SUSD4: variants seen among roughly 807,000 people sequenced by gnomAD.
SUSD4 encodes the protein sushi domain containing 4.
A neutral mutation model predicts 50.5 loss-of-function variants in SUSD4; 41 were observed. That is an observed-to-expected ratio of 0.81 (90% CI 0.63 to 1.05). The LOEUF is 1.05. Among genes scored for constraint, SUSD4 ranks in the 50% least tolerant of loss-of-function variants. SUSD4 has a pLI of 0.00. For missense variants in SUSD4, 580 were observed against 634.7 expected (o/e 0.91, Z 0.93); for synonymous variants, 257 against 257.3 (o/e 1.00, Z 0.01).
At chr1:223,256,179 T>C (rs988970905) in intron 5 of SUSD4, among the ~76,000 whole-genome samples, 8 of 152,168 alleles carry the variant, frequency 5.3e-5, no homozygotes, top group African/African-American at 1.9e-4. Context: ...ATGATAAAAA[T>C]TCAGGTTCCT....
At chr1:223,235,743 T>C (rs1410934446) in intron 5 of SUSD4, among the ~76,000 whole-genome samples, 1 of 152,222 alleles carries the variant, frequency 6.6e-6, no homozygotes, top group Non-Finnish European at 1.5e-5. Flanking sequence ...GGATGTACCA[T>C]AGTTTATTTA....
At chr1:223,281,287 A>G (rs1243085368) in intron 3 of SUSD4, among the ~76,000 whole-genome samples, 3 of 152,246 alleles carry the variant, frequency 2.0e-5, no homozygotes, top group African/African-American at 7.2e-5. Context: ...CAAAAAATCA[A>G]TGAATACAGG....
Position 223,229,162 on chromosome 1 carries a change from T to G in SUSD4, c.916+35A>C. The stretch of plus-strand genomic sequence containing the variant: ...CTATGTGCAGATGGTCCAAGGAGGG[T>G]CCATCTCCTCCAAGGGTGAGGCCTT... On this transcript the variant is annotated intron_variant, in intron 6 of 8. Transcript: ENST00000366878. The surrounding 1 kb of genome is among the most constrained non-coding windows in gnomAD (Gnocchi z 4.7). The G allele has an allele frequency of 1.3e-6, 2 of 1,556,894 alleles. No individual in the cohort carries two copies. The highest frequency in any genetic ancestry group is 1.2e-5 in the South Asian group (1 of 85,294).
intron 2 of SUSD4, among the ~76,000 whole-genome samples, chr1:223,307,977 T>A (rs1157001484): frequency 2.0e-5 from 3 of 152,222 alleles, no homozygotes; most frequent in Non-Finnish European, 4.4e-5. Flanking sequence ...TAATTATTGA[T>A]CAGTTATTCG....
At chr1:223,338,420 G>A (rs1351047969) in intron 2 of SUSD4, among the ~76,000 whole-genome samples, 1 of 152,242 alleles carries the variant, frequency 6.6e-6, no homozygotes, top group Non-Finnish European at 1.5e-5. Flanking sequence ...GACTGAGGCA[G>A]GAGAGAGGCA....
At chr1:223,326,194 C>T (rs1202039362) in intron 2 of SUSD4, among the ~76,000 whole-genome samples, 1 of 152,046 alleles carries the variant, frequency 6.6e-6, no homozygotes, top group African/African-American at 2.4e-5. Context: ...AGAAATAAAG[C>T]CAAATACGTA....
At chr1:223,223,144 C>G (rs551961548) in intron 8 of SUSD4, 105 bp downstream of exon 8, 32 of 1,422,856 alleles carry the variant, frequency 2.2e-5, no homozygotes. Context: ...CAGATTGATT[C>G]GACTCTGTGC....
intron 5 of SUSD4, among the ~76,000 whole-genome samples, chr1:223,245,247 A>T (rs1311212321): frequency 6.6e-6 from 1 of 150,996 alleles, no homozygotes; most frequent in East Asian, 1.9e-4. Context: ...TTTTTATTTT[A>T]TCTAGTATCT....
At chr1:223,278,183 G>A (rs1369154829) in intron 3 of SUSD4, among the ~76,000 whole-genome samples, 1 of 152,202 alleles carries the variant, frequency 6.6e-6, no homozygotes, top group African/African-American at 2.4e-5. Flanking sequence ...TGAGGTACCA[G>A]GTTCATCACA....
At chr1:223,322,787 G>A (rs983611762) in intron 2 of SUSD4, among the ~76,000 whole-genome samples, 4 of 152,194 alleles carry the variant, frequency 2.6e-5, no homozygotes, top group African/African-American at 7.2e-5. Context: ...CCCCTGACTA[G>A]GGTAAGCTTT....
chr1:223,306,965 G>T (rs541060448), intron 2 of SUSD4, among the ~76,000 whole-genome samples: 4 of 151,126 alleles, frequency 2.6e-5, no homozygotes, highest in Admixed American at 1.3e-4. Context: ...TTTTTTTTGG[G>T]GGGGGGTGTC....
chr1:223,359,147 C>A lies in SUSD4; in HGVS notation c.148+4131G>T, dbSNP rs1440459198. On this transcript the variant is annotated intron_variant, in intron 2 of 8. Transcript: ENST00000366878. The stretch of plus-strand genomic sequence containing the variant: ...CTAGAAACAGAAAAAGGAAGACAAG[C>A]CAAGCTCAGATGATATTTTGCTCCT... 3 of 470,908 alleles carry A rather than the reference C, an allele frequency of 6.4e-6. No individual in the cohort carries two copies. In the Admixed American group the frequency reaches 7.0e-5, roughly 11 times the overall value. The allele number at this position is 470,908 out of a possible 1,614,324, so 29.2% of individuals were successfully genotyped here.
intron 2 of SUSD4, among the ~76,000 whole-genome samples, chr1:223,351,964 G>A (rs1668393868): frequency 6.6e-6 from 1 of 151,474 alleles, no homozygotes; most frequent in Non-Finnish European, 1.5e-5. Flanking sequence ...AGGCACTATA[G>A]GAAAACGCCA....
Position 223,298,729 on chromosome 1 carries a change from CT to C in SUSD4, c.149-6079del, listed in dbSNP as rs201322751. 8.6e-3 allele frequency among the ~76,000 whole-genome samples: 1,314 copies of C among 152,310 alleles called. 17 individuals are homozygous for C. The highest frequency in any genetic ancestry group is 0.03 in the African/African-American group (1,260 of 41,564). ...ATCCATCAGAAAAATGACTCCTGCA[CT>C]GATAAATAAATGATGAGAGTTTCAT... is the stretch of plus-strand genomic sequence containing the variant. On this transcript the variant is annotated intron_variant, in intron 2 of 8. Transcript: ENST00000366878.
At chr1:223,339,529 G>A (rs1667639786) in intron 2 of SUSD4, among the ~76,000 whole-genome samples, 1 of 152,178 alleles carries the variant, frequency 6.6e-6, no homozygotes, top group Admixed American at 6.5e-5. Flanking sequence ...TGCTCCCAAA[G>A]TCTAATCCCT....
chr1:223,329,748 T>C (rs1253660918), intron 2 of SUSD4, among the ~76,000 whole-genome samples: 3 of 151,848 alleles, frequency 2.0e-5, no homozygotes, highest in African/African-American at 7.3e-5. Flanking sequence ...GAAAATGACA[T>C]AGTGAATGGA....
At chr1:223,264,251 A>T in intron 5 of SUSD4, 1 of 985,474 alleles carries the variant, frequency 1.0e-6, no homozygotes. Context: ...GGAAATATGG[A>T]GGAAACAGCG....
At chr1:223,234,527 C>T (rs1238433820) in intron 5 of SUSD4, among the ~76,000 whole-genome samples, 1 of 152,168 alleles carries the variant, frequency 6.6e-6, no homozygotes, top group Non-Finnish European at 1.5e-5. Context: ...TAAACATTTG[C>T]TATTTGAGTG....
At chr1:223,342,454 T>C (rs762498103) in intron 2 of SUSD4, among the ~76,000 whole-genome samples, 3 of 152,176 alleles carry the variant, frequency 2.0e-5, no homozygotes, top group Non-Finnish European at 2.9e-5. Flanking sequence ...TAGGACTAGC[T>C]GAGAACATTT....
Sources: allele counts gnomAD v4.1 joint callset (sites outside exome capture counted in the v4.1 genomes callset), GRCh38; gene constraint gnomAD v4.1.1; non-coding constraint Gnocchi (gnomAD v3.1); transcripts MANE v1.5; gene names NCBI Gene and HGNC (gene_info 2026-07-23, HGNC 2026-07-21).